SLC24A2: variants seen among roughly 807,000 people sequenced by gnomAD.
The protein encoded by SLC24A2 is solute carrier family 24 member 2, also known as sodium/potassium/calcium exchanger 2.
SLC24A2 carries 36 observed loss-of-function variants against 62.0 expected under a neutral mutation model. The ratio of observed to expected loss-of-function variants is 0.58; its 90% CI spans 0.44 to 0.77. The LOEUF (loss-of-function observed/expected upper bound fraction) is 0.77, where lower values mean the gene tolerates loss of function less well. Among genes scored for constraint, SLC24A2 ranks in the 30% least tolerant of loss-of-function variants. The pLI, the probability that SLC24A2 is intolerant of heterozygous loss-of-function variation, is 0.00. For synonymous variants in SLC24A2, 358 were observed against 294.0 expected, an observed-to-expected ratio of 1.22 and a Z score of -2.23; for missense variants, 846 against 817.9, an observed-to-expected ratio of 1.03 and a Z score of -0.42.
intron 8 of SLC24A2, among the ~76,000 whole-genome samples, chr9:19,528,657 G>T (rs532372750): frequency 3.7e-4 from 57 of 152,234 alleles, no homozygotes; most frequent in African/African-American, 1.3e-3. Context: ...TCATCTTACA[G>T]TACCACAAAT....
At chr9:20,099,287 C>A in the SLC24A2 span, among the ~76,000 whole-genome samples, 3 of 152,162 alleles carry the variant, frequency 2.0e-5, no homozygotes, top group African/African-American at 7.2e-5. Flanking sequence ...CCTGCCTATC[C>A]CTTGCCATTT....
At chr9:19,770,202 C>A (rs1431685485) in intron 2 of SLC24A2, among the ~76,000 whole-genome samples, 1 of 151,698 alleles carries the variant, frequency 6.6e-6, no homozygotes, top group African/African-American at 2.4e-5. Flanking sequence ...TGACTAAGTG[C>A]CTGGAATTTA....
the SLC24A2 span, among the ~76,000 whole-genome samples, chr9:19,983,356 C>T: frequency 3.3e-5 from 5 of 152,104 alleles, no homozygotes; most frequent in Non-Finnish European, 5.9e-5. Context: ...AAAAAAAACT[C>T]AGCTGTGGCT....
At chr9:20,305,110 CTTT>C in the SLC24A2 span, among the ~76,000 whole-genome samples, 10 of 135,262 alleles carry the variant, frequency 7.4e-5, no homozygotes, top group African/African-American at 1.1e-4. Flanking sequence ...AGGATAATAC[CTTT>C]TTTTTTTTTT....
chr9:19,605,526 G>A (rs1470717732), intron 4 of SLC24A2, among the ~76,000 whole-genome samples: 1 of 152,192 alleles, frequency 6.6e-6, no homozygotes, highest in African/African-American at 2.4e-5. Flanking sequence ...TAGAAAATCG[G>A]TTCCCATGTT....
At chr9:19,525,335 A>C (rs949107208) in intron 9 of SLC24A2, among the ~76,000 whole-genome samples, 8 of 143,844 alleles carry the variant, frequency 5.6e-5, no homozygotes, top group African/African-American at 2.1e-4. Context: ...AGTAAAACTC[A>C]TTCACCTTTT....
At chr9:19,523,556 G>C (rs1160394289) in intron 9 of SLC24A2, among the ~76,000 whole-genome samples, 1 of 151,740 alleles carries the variant, frequency 6.6e-6, no homozygotes, top group Non-Finnish European at 1.5e-5. Flanking sequence ...TTTGCTTCCT[G>C]GGTTCAAGTG....
intron 2 of SLC24A2, among the ~76,000 whole-genome samples, chr9:19,711,299 T>C (rs931185747): frequency 6.6e-6 from 1 of 152,276 alleles, no homozygotes; most frequent in African/African-American, 2.4e-5. Flanking sequence ...TTGGATTTTC[T>C]TGAGCTTTAA....
chr9:19,648,957 A>T (rs971922942), intron 2 of SLC24A2, among the ~76,000 whole-genome samples: 11 of 151,424 alleles, frequency 7.3e-5, no homozygotes, highest in African/African-American at 2.4e-4. Context: ...TATTTATTCC[A>T]AAATGAGAGG....
the SLC24A2 span, among the ~76,000 whole-genome samples, chr9:20,250,969 T>C: frequency 6.6e-6 from 1 of 152,190 alleles, no homozygotes; most frequent in Non-Finnish European, 1.5e-5. Context: ...ATCACTGAGA[T>C]GCATTTAGAT....
At chr9:19,810,149 G>T in the SLC24A2 span, among the ~76,000 whole-genome samples, 110 of 152,258 alleles carry the variant, frequency 7.2e-4, no homozygotes, top group Middle Eastern at 3.4e-3. Flanking sequence ...GTCTAAAAGT[G>T]GGGAGAGGTG....
chr9:20,219,738 G>C, the SLC24A2 span, among the ~76,000 whole-genome samples: 1 of 152,152 alleles, frequency 6.6e-6, no homozygotes, highest in South Asian at 2.1e-4. Flanking sequence ...GGCATATGAA[G>C]AAATATTGAG....
At chr9:20,162,108 A>C in the SLC24A2 span, among the ~76,000 whole-genome samples, 1 of 151,732 alleles carries the variant, frequency 6.6e-6, no homozygotes, top group African/African-American at 2.4e-5. Context: ...CAGTAACTCA[A>C]ACTTGGCATT....
chr9:19,611,902 T>C (rs959377682), intron 4 of SLC24A2, among the ~76,000 whole-genome samples: 5 of 152,124 alleles, frequency 3.3e-5, no homozygotes, highest in African/African-American at 1.2e-4. Flanking sequence ...CTGAGAAGCA[T>C]GACACTTGTG....
the SLC24A2 span, among the ~76,000 whole-genome samples, chr9:20,056,835 C>T: frequency 6.6e-6 from 1 of 152,146 alleles, no homozygotes; most frequent in African/African-American, 2.4e-5. Flanking sequence ...GCATCTCCAT[C>T]CTCTTGAATG....
the SLC24A2 span, among the ~76,000 whole-genome samples, chr9:20,117,182 T>C: frequency 1.3e-5 from 2 of 152,116 alleles, no homozygotes; most frequent in African/African-American, 4.8e-5. Flanking sequence ...GACAACTAGG[T>C]TCTGGCCAGT....
chr9:20,026,483 G>C, the SLC24A2 span, among the ~76,000 whole-genome samples: 2 of 152,110 alleles, frequency 1.3e-5, no homozygotes, highest in African/African-American at 4.8e-5. Flanking sequence ...CTTTAAGAGA[G>C]GAAATAAATG....
chr9:19,825,341 A>G, the SLC24A2 span, among the ~76,000 whole-genome samples: 1 of 152,182 alleles, frequency 6.6e-6, no homozygotes, highest in Non-Finnish European at 1.5e-5. Flanking sequence ...ATAATTTAGT[A>G]AGTGCTCACT....
At chr9:19,893,670 G>C in the SLC24A2 span, among the ~76,000 whole-genome samples, 53 of 152,154 alleles carry the variant, frequency 3.5e-4, no homozygotes, top group Non-Finnish European at 6.2e-4. Context: ...GAGTCTCAGA[G>C]GGTTTAAGGT....
Sources: gnomAD v4.1 joint callset for allele counts (sites outside exome capture counted in the v4.1 genomes callset) on GRCh38, gnomAD v4.1.1 for gene constraint, MANE v1.5 for transcripts, NCBI Gene and HGNC (gene_info 2026-07-23, HGNC 2026-07-21) for gene names.